ADAMTS2: variants seen among roughly 807,000 people sequenced by gnomAD.
ADAMTS2 encodes the protein ADAM metallopeptidase with thrombospondin type 1 motif 2.
Under a neutral mutation model 123.0 loss-of-function variants are expected in ADAMTS2, and 50 were observed. The ratio of observed to expected loss-of-function variants is 0.41; its 90% CI spans 0.32 to 0.51. The LOEUF (loss-of-function observed/expected upper bound fraction) is 0.51, where lower values mean the gene tolerates loss of function less well. Among genes scored for constraint, ADAMTS2 ranks in the 20% least tolerant of loss-of-function variants. ADAMTS2 has a pLI of 0.35. For missense variants in ADAMTS2, 1,494 were observed against 1,705.2 expected, an observed-to-expected ratio of 0.88 and a Z score of 2.18; for synonymous variants, 678 against 695.4, an observed-to-expected ratio of 0.98 and a Z score of 0.39.
chr5:179,262,916 T>C lies in ADAMTS2; in HGVS notation c.688+9995A>G, dbSNP rs1167855413. ...GACGAGTGAATGCAGGAAAATACAC[T>C]TGTGGCAGCAGGCAAGGTGCCCTCT... On this transcript the variant is annotated intron_variant, in intron 3 of 21. Coordinates refer to ENST00000251582, the MANE Select transcript of ADAMTS2 (RefSeq NM_014244.5). This position sits in a 1 kb window ranked among gnomAD's most constrained non-coding sequence, Gnocchi z 5.9. Among the ~76,000 whole-genome samples the C allele has an allele frequency of 3.3e-5, 5 of 152,222 alleles. No individual in the cohort carries two copies. Among genetic ancestry groups the C allele is most frequent in the African/African-American group, 9.6e-5 (4 of 41,454 alleles).
chr5:179,153,772 C>T (rs1017166711), intron 8 of ADAMTS2, 149 bp from the exon 9 acceptor site: 107 of 1,299,806 alleles, frequency 8.2e-5, no homozygotes, highest in Non-Finnish European at 1.0e-4. Flanking sequence ...TTCCCTGCTG[C>T]ATCTCTTGTC....
At position 179,113,498 on chromosome 5, in the gene ADAMTS2, A is replaced by G. The variant is rs1018907665; in HGVS notation, c.*369T>C. 4 of 312,348 alleles carry G rather than the reference A, an allele frequency of 1.3e-5. No individual in the cohort carries two copies. The highest frequency in any genetic ancestry group is 7.7e-5 in the East Asian group (1 of 13,022). 19.3% of individuals were successfully genotyped at this position (312,348 alleles called of 1,614,324 possible). A position where few individuals can be genotyped will look rare whatever the true frequency, so the allele number is the denominator to read the frequency against. ...TGTCTGGGGATCGGTAGGGAATGTC[A>G]TGCATCTCCGCCAAGGAAAGGAAGG... On this transcript the variant is annotated 3_prime_UTR_variant, in exon 22 of 22. Transcript: ENST00000251582.
rs73344618 is a variant in ADAMTS2, at chr5:179,135,311, G to T, written c.2085+598C>A. Among the ~76,000 whole-genome samples, 1,349 of 152,324 alleles carry T rather than the reference G, an allele frequency of 8.9e-3. 33 individuals carry two copies. The highest frequency in any genetic ancestry group is 0.03 in the African/African-American group (1,268 of 41,574). On this transcript the variant is annotated intron_variant, in intron 13 of 21. Transcript: ENST00000251582. ...CCTGCCATCAGTCCTGTCTACACAA[G>T]CCCTAAGCAGAGACTTCCGGTTGTT...
chr5:179,264,874 CG>C (rs1766321184), intron 3 of ADAMTS2, among the ~76,000 whole-genome samples: 1 of 152,080 alleles, frequency 6.6e-6, no homozygotes, highest in Non-Finnish European at 1.5e-5. Flanking sequence ...AACAGCATGT[CG>C]GGTGGAGCTG....
intron 13 of ADAMTS2, among the ~76,000 whole-genome samples, chr5:179,134,439 C>T (rs978676550): frequency 6.6e-6 from 1 of 152,162 alleles, no homozygotes; most frequent in Admixed American, 6.5e-5. Flanking sequence ...TACTGGGGAC[C>T]ACCCTAAACT....
At chr5:179,119,472 C>T (rs1762717158) in intron 21 of ADAMTS2, among the ~76,000 whole-genome samples, 1 of 152,328 alleles carries the variant, frequency 6.6e-6, no homozygotes, top group Non-Finnish European at 1.5e-5. Context: ...AGGACACAGC[C>T]CAGGCCCCAG....
chr5:179,194,791 C>T (rs1764382961), intron 4 of ADAMTS2, among the ~76,000 whole-genome samples: 1 of 152,074 alleles, frequency 6.6e-6, no homozygotes, highest in South Asian at 2.1e-4. Flanking sequence ...TGCACAGGGC[C>T]AGCACGTGCA....
At chr5:179,154,218 A>G (rs1180082266) in intron 7 of ADAMTS2, 26 bp from the exon 8 acceptor site, 2 of 1,540,886 alleles carry the variant, frequency 1.3e-6, no homozygotes, top group Non-Finnish European at 1.7e-6. Flanking sequence ...CAGCTGGCTG[A>G]ATCCCACTGG....
chr5:179,339,435 G>A (rs1329491598), intron 2 of ADAMTS2, among the ~76,000 whole-genome samples: 30 of 152,202 alleles, frequency 2.0e-4, no homozygotes, highest in Non-Finnish European at 4.4e-4. Flanking sequence ...ATTCAGCCAG[G>A]CCTGAAGCCA....
At position 179,207,562 on chromosome 5, in the gene ADAMTS2, A is replaced by T; in HGVS notation, c.842T>A (p.Phe281Tyr). The T allele has an allele frequency of 6.6e-7, 1 of 1,508,672 alleles. No homozygotes were observed. The highest frequency in any genetic ancestry group is 8.9e-7 in the Non-Finnish European group (1 of 1,119,874). 93.5% of individuals were successfully genotyped at this position (1,508,672 alleles called of 1,614,324 possible). A position where few individuals can be genotyped will look rare whatever the true frequency, so the allele number is the denominator to read the frequency against. The change falls in exon 4 of 22, where the codon TTC becomes TAC. Residue 281 changes from phenylalanine to tyrosine, a missense_variant. Physicochemically the swap from Phe to Tyr is conservative, Grantham distance 22. Coordinates refer to ENST00000251582, the MANE Select transcript of ADAMTS2 (RefSeq NM_014244.5). ...CTTCTGTACGTGCTCCTTCCCGTGG[A>T]ACTGCACCACAGAGTCATCCACGCC... ...LLGVDDSVVQ[F>Y]HGKEHVQKYL...
intron 2 of ADAMTS2, among the ~76,000 whole-genome samples, chr5:179,298,374 C>A (rs34099628): frequency 2.0e-4 from 31 of 152,084 alleles, no homozygotes; most frequent in Admixed American, 7.9e-4. Context: ...GGGATTAGTG[C>A]CCTTATCAGA....
intron 2 of ADAMTS2, among the ~76,000 whole-genome samples, chr5:179,341,577 G>A (rs3846699): frequency 0.11 from 17,295 of 151,986 alleles, 1,331 homozygotes; most frequent in East Asian, 0.3. Flanking sequence ...GCTGCACGTG[G>A]TGGCAGGCGC....
chr5:179,245,785 A>AC (rs1561628513), intron 3 of ADAMTS2, among the ~76,000 whole-genome samples: 22 of 137,116 alleles, frequency 1.6e-4, no homozygotes, highest in African/African-American at 4.9e-4. Flanking sequence ...AAAAAAAAAA[A>AC]AAAAAAAAAA....
At chr5:179,209,550 A>ACACACACGCGCACACACATG (rs1491504951) in intron 3 of ADAMTS2, among the ~76,000 whole-genome samples, 1 of 149,192 alleles carries the variant, frequency 6.7e-6, no homozygotes, top group South Asian at 2.1e-4. Flanking sequence ...ACACACATGT[A>ACACACACGCGCACACACATG]CACACACACA....
intron 21 of ADAMTS2, among the ~76,000 whole-genome samples, chr5:179,116,099 C>T (rs1762652488): frequency 6.6e-6 from 1 of 152,156 alleles, no homozygotes; most frequent in Admixed American, 6.5e-5. Context: ...CCTAGACACT[C>T]TCAGATATGC....
chr5:179,172,318 A>G (rs1763838442), intron 5 of ADAMTS2, among the ~76,000 whole-genome samples: 1 of 152,036 alleles, frequency 6.6e-6, no homozygotes, highest in Non-Finnish European at 1.5e-5. Context: ...CCACTGCCCC[A>G]TTCCCAACTC....
rs946093611 is a variant in ADAMTS2 at position 179,297,965 on chromosome 5, C to T, written c.535-24901G>A. On this transcript the variant is annotated intron_variant, in intron 2 of 21. Coordinates refer to ENST00000251582, the MANE Select transcript of ADAMTS2 (RefSeq NM_014244.5). ...GGCTGGCCTCTGCTGCTCCCTCCCACGCACCAATGCCCATGGCCTCTGTCC... is the reference window on the plus strand; with the variant it reads ...GGCTGGCCTCTGCTGCTCCCTCCCATGCACCAATGCCCATGGCCTCTGTCC... Among the ~76,000 whole-genome samples the T allele has an allele frequency of 4.6e-5, 7 of 152,222 alleles. No homozygotes were observed. In the East Asian group the frequency reaches 1.2e-3, roughly 25 times the overall value.
chr5:179,189,336 T>C lies in ADAMTS2; in HGVS notation c.892-8181A>G, dbSNP rs1764246059. ...GTTGGTATAGGTTTGGGATAGACGGTGGAGTTAGGAGCAATTTTTTTTTTT... is the reference window on the plus strand; with the variant it reads ...GTTGGTATAGGTTTGGGATAGACGGCGGAGTTAGGAGCAATTTTTTTTTTT... On this transcript the variant is annotated intron_variant, in intron 4 of 21. Transcript: ENST00000251582. The surrounding 1 kb of genome is among the most constrained non-coding windows in gnomAD (Gnocchi z 4.2). Among the ~76,000 whole-genome samples the C allele has an allele frequency of 6.6e-6, 1 of 150,626 alleles. No individual in the cohort carries two copies. The highest frequency in any genetic ancestry group is 1.5e-5 in the Non-Finnish European group (1 of 67,778).
At chr5:179,268,856 G>A (rs35752) in intron 3 of ADAMTS2, among the ~76,000 whole-genome samples, 60,185 of 152,106 alleles carry the variant, frequency 0.4, 12,861 homozygotes, top group Admixed American at 0.46. Context: ...TGTGCACTGC[G>A]TGGCCAGCCT....
Sources: allele counts gnomAD v4.1 joint callset (sites outside exome capture counted in the v4.1 genomes callset), GRCh38; gene constraint gnomAD v4.1.1; non-coding constraint Gnocchi (gnomAD v3.1); transcripts MANE v1.5; gene names NCBI Gene and HGNC (gene_info 2026-07-23, HGNC 2026-07-21).